Variants in CENPC observed in about 807,000 individuals in gnomAD.
CENPC encodes the protein centromere protein C, also known as CENP-C 1.
A neutral mutation model predicts 112.1 loss-of-function variants in CENPC; 63 were observed. The ratio of observed to expected loss-of-function variants is 0.56; its 90% confidence interval spans 0.46 to 0.69. The LOEUF (loss-of-function observed/expected upper bound fraction) is 0.69, where lower values mean the gene tolerates loss of function less well. CENPC is among the 30% of genes least tolerant of loss of function. The pLI, the probability that CENPC is intolerant of heterozygous loss-of-function variation, is 0.00. For synonymous variants in CENPC, 333 were observed against 367.6 expected (o/e 0.91, Z 1.08); for missense variants, 1,000 against 1,103.8 (o/e 0.91, Z 1.33).
intron 17 of CENPC, among the ~76,000 whole-genome samples, chr4:67,477,390 C>CACTT (rs1225117836): frequency 6.6e-6 from 1 of 152,196 alleles, no homozygotes; most frequent in Non-Finnish European, 1.5e-5. Flanking sequence ...GCTTTGCAGG[C>CACTT]ACTTCCCAGT....
intron 17 of CENPC, among the ~76,000 whole-genome samples, chr4:67,475,676 G>T (rs966747657): frequency 1.3e-5 from 2 of 152,150 alleles, no homozygotes; most frequent in African/African-American, 4.8e-5. Flanking sequence ...TCGGCTCACT[G>T]CAAGCTCCGC....
At chr4:67,508,072 T>C (rs1725785737) in intron 10 of CENPC, among the ~76,000 whole-genome samples, 1 of 152,152 alleles carries the variant, frequency 6.6e-6, no homozygotes, top group African/African-American at 2.4e-5. Flanking sequence ...CTAGCAAATA[T>C]TTGGCACATA....
chr4:67,543,774 A>C (rs1028943591), intron 2 of CENPC, among the ~76,000 whole-genome samples: 3 of 152,230 alleles, frequency 2.0e-5, no homozygotes, highest in African/African-American at 7.2e-5. Context: ...GAACCAAAAC[A>C]ACCCAAACAA....
chr4:67,520,573 G>T (rs1726195993), intron 5 of CENPC, among the ~76,000 whole-genome samples: 1 of 152,080 alleles, frequency 6.6e-6, no homozygotes, highest in South Asian at 2.1e-4. Context: ...AAGTGAACAT[G>T]GACATCAAAA....
At chr4:67,477,950 C>T (rs1224322611) in intron 17 of CENPC, among the ~76,000 whole-genome samples, 2 of 151,342 alleles carry the variant, frequency 1.3e-5, no homozygotes, top group East Asian at 1.9e-4. Context: ...AGTAGAAGAA[C>T]TTCAGAGCTC....
chr4:67,539,120 T>G (rs181991274), intron 4 of CENPC, among the ~76,000 whole-genome samples: 716 of 152,288 alleles, frequency 4.7e-3, no homozygotes, highest in South Asian at 7.9e-3. Flanking sequence ...AAGTTAATAC[T>G]TTATGACCAA....
intron 17 of CENPC, among the ~76,000 whole-genome samples, chr4:67,486,968 G>GTT (rs58948980): frequency 0.22 from 29,449 of 131,638 alleles, 3,850 homozygotes; most frequent in South Asian, 0.26. Context: ...TTGCTTTTAG[G>GTT]TTTTTTTTTT....
At chr4:67,527,866 A>T (rs556400882) in intron 5 of CENPC, among the ~76,000 whole-genome samples, 31 of 152,022 alleles carry the variant, frequency 2.0e-4, no homozygotes, top group African/African-American at 7.2e-4. Flanking sequence ...GAAATTAAAG[A>T]CATAAACTAA....
rs957052312 is a variant in CENPC at position 67,469,741 on chromosome 4, C to T, written c.*2864G>A. The T allele has an allele frequency of 2.0e-5, 3 of 152,226 alleles. No homozygotes were observed. Among genetic ancestry groups the T allele is most frequent in the African/African-American group, 7.2e-5 (3 of 41,454 alleles). The allele number at this position is 152,226 out of a possible 1,614,324, so 9.4% of individuals were successfully genotyped here. On this transcript the variant is annotated 3_prime_UTR_variant, in exon 19 of 19. Transcript: ENST00000273853. ...AAAGACATGAAATTAACTCCATAGT[C>T]ACCCAGTTTTATGCCTGGGGGCACT...
chr4:67,542,370 C>T (rs1360320318), intron 2 of CENPC, among the ~76,000 whole-genome samples: 1 of 152,124 alleles, frequency 6.6e-6, no homozygotes, highest in Non-Finnish European at 1.5e-5. Flanking sequence ...CTACAACATT[C>T]CTATTATTGA....
chr4:67,520,194 C>T (rs759379835), intron 5 of CENPC, among the ~76,000 whole-genome samples: 5 of 152,138 alleles, frequency 3.3e-5, no homozygotes, highest in African/African-American at 4.8e-5. Context: ...TCAGCACTCT[C>T]GGCCATGGAG....
intron 12 of CENPC, among the ~76,000 whole-genome samples, chr4:67,501,386 A>G (rs149518321): frequency 8.1e-4 from 123 of 152,292 alleles, no homozygotes; most frequent in African/African-American, 2.8e-3. Context: ...TGCACAAATT[A>G]CATCCCCTAA....
At chr4:67,491,935 T>C (rs1299273537) in intron 16 of CENPC, among the ~76,000 whole-genome samples, 4 of 152,292 alleles carry the variant, frequency 2.6e-5, no homozygotes, top group South Asian at 2.1e-4. Context: ...ACATTCCTGA[T>C]TGTAGCACTA....
intron 17 of CENPC, among the ~76,000 whole-genome samples, chr4:67,485,834 T>C (rs1466058573): frequency 6.6e-6 from 1 of 152,166 alleles, no homozygotes; most frequent in Non-Finnish European, 1.5e-5. Flanking sequence ...TAGCTTTTTA[T>C]GGATGAAGAA....
Position 67,512,236 on chromosome 4 carries a change from T to A in CENPC, c.1612+166A>T, listed in dbSNP as rs1010015809. On this transcript the variant is annotated intron_variant, in intron 9 of 18. Coordinates refer to ENST00000273853, the MANE Select transcript of CENPC (RefSeq NM_001812.4). ...CCTATTCCTAAAATACTGTATATAT[T>A]AACGCTTCAAGGAATATCTTTACCA... The A allele has an allele frequency of 8.9e-6, 5 of 564,100 alleles. No homozygotes were observed. In the African/African-American group the frequency reaches 9.8e-5, roughly 11 times the overall value. 34.9% of individuals were successfully genotyped at this position (564,100 alleles called of 1,614,324 possible). A position where few individuals can be genotyped will look rare whatever the true frequency, so the allele number is the denominator to read the frequency against.
At position 67,472,669 on chromosome 4, in the gene CENPC, TA is replaced by T; in HGVS notation, c.2767del (p.Tyr923IlefsTer19). 1 of 1,507,110 alleles carries T rather than the reference TA, an allele frequency of 6.6e-7. No homozygotes were observed. The allele number at this position is 1,507,110 out of a possible 1,614,324, so 93.4% of individuals were successfully genotyped here. ...GDSFYVPSGN[Y>X]YNIKNLRNEE... ...ATTCCGGAGATTTTTGATGTTATAA[TA>T]GTTACCTAAAAGTAAAGTGATAAGA... On this transcript the variant is annotated frameshift_variant, in exon 19 of 19. Coordinates refer to ENST00000273853, the MANE Select transcript of CENPC (RefSeq NM_001812.4). LOFTEE classifies it high-confidence loss of function.
intron 4 of CENPC, among the ~76,000 whole-genome samples, chr4:67,539,376 A>C (rs1262078721): frequency 1.3e-5 from 2 of 152,188 alleles, no homozygotes; most frequent in Non-Finnish European, 2.9e-5. Context: ...GATTAGCTTC[A>C]AATACTTTAT....
chr4:67,538,113 A>G (rs1440649074), intron 4 of CENPC, among the ~76,000 whole-genome samples: 1 of 152,192 alleles, frequency 6.6e-6, no homozygotes, highest in African/African-American at 2.4e-5. Context: ...GAGAAAAGAG[A>G]CAGAGAAAAT....
chr4:67,541,264 T>C (rs1406419334), intron 2 of CENPC, among the ~76,000 whole-genome samples: 3 of 152,310 alleles, frequency 2.0e-5, no homozygotes, highest in African/African-American at 7.2e-5. Context: ...ATAATCTACC[T>C]TAACAATTAA....
Sources: allele counts gnomAD v4.1 joint callset (sites outside exome capture counted in the v4.1 genomes callset), GRCh38; gene constraint gnomAD v4.1.1; transcripts MANE v1.5; gene names NCBI Gene and HGNC (gene_info 2026-07-23, HGNC 2026-07-21).